The following KIF1B variants were observed in gnomAD, a reference collection of about 807,000 sequenced individuals.
KIF1B encodes the protein kinesin family member 1B, also known as kinesin-like protein KIF1B.
KIF1B carries 76 observed loss-of-function variants against 241.9 expected under a neutral mutation model. That is an observed-to-expected ratio of 0.31 (90% CI 0.26 to 0.38). The LOEUF is 0.38. Among genes scored for constraint, KIF1B ranks in the 10% least tolerant of loss-of-function variants. The pLI is 1.00. For synonymous variants in KIF1B, 750 were observed against 796.7 expected (o/e 0.94, Z 0.99); for missense variants, 1,622 against 2,271.4 (o/e 0.71, Z 5.81).
chr1:10,362,172 A>G lies in KIF1B; in HGVS notation c.4304+347A>G, dbSNP rs180982642. Among the ~76,000 whole-genome samples, 3 of 152,334 alleles carry G rather than the reference A, an allele frequency of 2.0e-5. No homozygotes were observed. In the East Asian group the frequency reaches 5.8e-4, roughly 29 times the overall value. ...TTGTTATGCATATTTAAGGCATACAAAATATGTCAGGAATAATACAGTGAA... is the reference window on the plus strand; with the variant it reads ...TTGTTATGCATATTTAAGGCATACAGAATATGTCAGGAATAATACAGTGAA... On this transcript the variant is annotated intron_variant, in intron 40 of 48. Coordinates refer to ENST00000676179, the MANE Select transcript of KIF1B (RefSeq NM_001365951.3).
chr1:10,263,703 T>C (rs1648286079), intron 5 of KIF1B, among the ~76,000 whole-genome samples: 1 of 152,238 alleles, frequency 6.6e-6, no homozygotes, highest in Non-Finnish European at 1.5e-5. Flanking sequence ...CCCATAGTTA[T>C]TCTTTTTTGA....
At chr1:10,298,122 G>A (rs1291908351) in intron 22 of KIF1B, among the ~76,000 whole-genome samples, 1 of 152,198 alleles carries the variant, frequency 6.6e-6, no homozygotes, top group African/African-American at 2.4e-5. Flanking sequence ...CATTTGATAT[G>A]TAAGAATAAA....
chr1:10,284,642 G>A (rs1465145671), intron 15 of KIF1B, among the ~76,000 whole-genome samples: 1 of 152,040 alleles, frequency 6.6e-6, no homozygotes, highest in Non-Finnish European at 1.5e-5. Flanking sequence ...TGGAGATTGC[G>A]CCATTGCATT....
chr1:10,282,543 A>C lies in KIF1B; in HGVS notation c.1434+10A>C. On this transcript the variant is annotated intron_variant, in intron 15 of 48. Transcript: ENST00000676179. The stretch of plus-strand genomic sequence containing the variant: ...TATTGAACGTTTAAAGGTAAGTAAT[A>C]GTTCAGACTGAATACAAGGTATTCT... The C allele has an allele frequency of 6.2e-7, 1 of 1,603,338 alleles. No individual in the cohort carries two copies. Among genetic ancestry groups the C allele is most frequent in the Non-Finnish European group, 8.5e-7 (1 of 1,170,230 alleles).
chr1:10,346,939 CA>C (rs1446709878), intron 35 of KIF1B, among the ~76,000 whole-genome samples: 1 of 152,176 alleles, frequency 6.6e-6, no homozygotes, highest in African/African-American at 2.4e-5. Flanking sequence ...CTATTTGTGA[CA>C]ACCAAAAATG....
chr1:10,345,657 A>C lies in KIF1B; in HGVS notation c.3689-188A>C, dbSNP rs1458854675. On this transcript the variant is annotated intron_variant, in intron 34 of 48. Transcript: ENST00000676179. ...ATTTCTTTATTTTCCTTGTTCTCTG[A>C]ATGTAGAGATAACTAATAACTTACA... 1.8e-5 allele frequency: 11 copies of C among 605,374 alleles called. No individual in the cohort carries two copies. The East Asian group carries it at 3.2e-4, about 17-fold the overall frequency. 37.5% of individuals were successfully genotyped at this position (605,374 alleles called of 1,614,324 possible).
intron 45 of KIF1B, among the ~76,000 whole-genome samples, chr1:10,372,214 G>A (rs1204588833): frequency 6.6e-6 from 1 of 152,048 alleles, no homozygotes; most frequent in African/African-American, 2.4e-5. Context: ...ACTTAAGCAT[G>A]CCATCAATTA....
At chr1:10,375,541 T>C (rs549786201) in intron 48 of KIF1B, among the ~76,000 whole-genome samples, 168 bp downstream of exon 48, 8 of 151,974 alleles carry the variant, frequency 5.3e-5, no homozygotes, top group Admixed American at 5.2e-4. Context: ...GTGCCACCAT[T>C]GCCTGGCTAA....
chr1:10,236,743 T>G, intron 2 of KIF1B, among the ~76,000 whole-genome samples: 1 of 152,218 alleles, frequency 6.6e-6, no homozygotes, highest in East Asian at 1.9e-4. Flanking sequence ...TCTTAGTAAT[T>G]TGACTAATAT....
chr1:10,266,153 T>G (rs1557675725), intron 5 of KIF1B, among the ~76,000 whole-genome samples: 1 of 152,224 alleles, frequency 6.6e-6, no homozygotes, highest in Non-Finnish European at 1.5e-5. Context: ...TCCTTACAAG[T>G]TAAGACTTGA....
intron 22 of KIF1B, among the ~76,000 whole-genome samples, chr1:10,309,799 A>T (rs533170013): frequency 1.3e-5 from 2 of 151,676 alleles, no homozygotes; most frequent in East Asian, 3.9e-4. Context: ...TGCATGAAAG[A>T]ATCTTAGTCT....
chr1:10,328,342 G>A (rs981839377), intron 27 of KIF1B, among the ~76,000 whole-genome samples: 27 of 152,218 alleles, frequency 1.8e-4, no homozygotes, highest in African/African-American at 6.5e-4. Flanking sequence ...AAGTGTAACT[G>A]TAGGTCATAG....
At chr1:10,212,573 C>G (rs988191379) in intron 1 of KIF1B, among the ~76,000 whole-genome samples, 1 of 152,090 alleles carries the variant, frequency 6.6e-6, no homozygotes, top group Non-Finnish European at 1.5e-5. Flanking sequence ...CTCATAACTT[C>G]TCAGGTTGAA....
At chr1:10,250,289 C>T (rs12049065) in intron 2 of KIF1B, among the ~76,000 whole-genome samples, 11 of 151,764 alleles carry the variant, frequency 7.2e-5, no homozygotes, top group Non-Finnish European at 1.0e-4. Context: ...ACGACACAGA[C>T]GTGCAGTCAT....
chr1:10,255,096 A>G (rs1236298882), intron 2 of KIF1B, among the ~76,000 whole-genome samples: 1 of 151,862 alleles, frequency 6.6e-6, no homozygotes, highest in African/African-American at 2.4e-5. Flanking sequence ...TTATAGGCAC[A>G]CACCACTATT....
At position 10,324,115 on chromosome 1, in the gene KIF1B, CT is replaced by C. The variant is rs1056418190; in HGVS notation, c.2537+54del. On this transcript the variant is annotated intron_variant, in intron 25 of 48. Transcript: ENST00000676179. ...GTTTTATTTAGGAAATAACAATGAC[CT>C]GCTCAAGTGAGCTCCCTCCAGCTCT... is the stretch of plus-strand genomic sequence containing the variant. 4.0e-5 allele frequency: 55 copies of C among 1,386,660 alleles called. No individual in the cohort carries two copies. The African/African-American group carries it at 7.2e-4, about 18-fold the overall frequency. The allele number at this position is 1,386,660 out of a possible 1,614,324, so 85.9% of individuals were successfully genotyped here.
At chr1:10,276,236 A>C (rs763221450) in intron 11 of KIF1B, 85 bp from the exon 12 acceptor site, 1 of 890,340 alleles carries the variant, frequency 1.1e-6, no homozygotes, top group Non-Finnish European at 1.9e-6. Flanking sequence ...TTAGGATCTG[A>C]GATTACAATA....
intron 48 of KIF1B, 87 bp downstream of exon 48, chr1:10,375,460 C>T: frequency 9.5e-7 from 1 of 1,047,770 alleles, no homozygotes; most frequent in Non-Finnish European, 1.5e-6. Context: ...TCTTGGCTCA[C>T]TGCAACCTCC....
chr1:10,276,177 C>T (rs548108219), intron 11 of KIF1B, 144 bp from the exon 12 acceptor site: 6 of 678,838 alleles, frequency 8.8e-6, no homozygotes, highest in South Asian at 1.6e-5. Flanking sequence ...GAGTGAGACT[C>T]CCTCTCAAAA....
Sources: allele counts gnomAD v4.1 joint callset (sites outside exome capture counted in the v4.1 genomes callset), GRCh38; gene constraint gnomAD v4.1.1; transcripts MANE v1.5; gene names NCBI Gene and HGNC (gene_info 2026-07-23, HGNC 2026-07-21).